The following ADAMTS16 variants were observed in gnomAD, a reference collection of about 807,000 sequenced individuals.
ADAMTS16 encodes the protein A disintegrin and metalloproteinase with thrombospondin motifs 16.
Under a neutral mutation model 145.8 loss-of-function variants are expected in ADAMTS16, and 94 were observed. The observed-to-expected ratio is 0.64, with a 90% CI of 0.55 to 0.77. The LOEUF (loss-of-function observed/expected upper bound fraction) is 0.77. ADAMTS16 is among the 30% of genes least tolerant of loss of function. The pLI is 0.00. For missense variants in ADAMTS16, 1,585 were observed against 1,591.5 expected (o/e 1.00, Z 0.07); for synonymous variants, 659 against 604.3 (o/e 1.09, Z -1.33).
chr5:5,270,010 T>C (rs1254187179), intron 18 of ADAMTS16, among the ~76,000 whole-genome samples: 1 of 152,154 alleles, frequency 6.6e-6, no homozygotes, highest in African/African-American at 2.4e-5. Flanking sequence ...CTCCATCCGA[T>C]GGCACCCTTT....
intron 13 of ADAMTS16, 31 bp downstream of exon 13, chr5:5,235,217 C>G: frequency 6.6e-7 from 1 of 1,520,056 alleles, no homozygotes; most frequent in African/African-American, 1.4e-5. Flanking sequence ...GGGTAATAGC[C>G]TCATGCTTTA....
intron 21 of ADAMTS16, among the ~76,000 whole-genome samples, chr5:5,311,209 C>T (rs377075877): frequency 5.3e-5 from 8 of 151,504 alleles, no homozygotes; most frequent in African/African-American, 1.7e-4. Context: ...CACTCACACC[C>T]ACCACCTACC....
intron 17 of ADAMTS16, among the ~76,000 whole-genome samples, chr5:5,248,115 G>C (rs1266547770): frequency 1.3e-5 from 2 of 152,178 alleles, no homozygotes; most frequent in Non-Finnish European, 2.9e-5. Flanking sequence ...ACACCGTCTG[G>C]TTTTCCATGT....
At chr5:5,252,755 G>A (rs956098730) in intron 17 of ADAMTS16, among the ~76,000 whole-genome samples, 3 of 152,114 alleles carry the variant, frequency 2.0e-5, no homozygotes, top group African/African-American at 4.8e-5. Flanking sequence ...CATCAGCCTA[G>A]GTCTCTGCGT....
intron 10 of ADAMTS16, among the ~76,000 whole-genome samples, chr5:5,214,796 A>G (rs1736375090): frequency 6.6e-6 from 1 of 152,202 alleles, no homozygotes; most frequent in Non-Finnish European, 1.5e-5. Context: ...GCAATTAGAG[A>G]TTTTTAAAAA....
At chr5:5,315,900 C>T (rs910410055) in intron 21 of ADAMTS16, among the ~76,000 whole-genome samples, 2 of 152,230 alleles carry the variant, frequency 1.3e-5, no homozygotes, top group East Asian at 1.9e-4. Context: ...GAGTAAGCCT[C>T]CCAGATAAGT....
intron 18 of ADAMTS16, among the ~76,000 whole-genome samples, chr5:5,301,527 TCTC>T (rs1450635402): frequency 6.6e-6 from 1 of 152,178 alleles, no homozygotes; most frequent in Non-Finnish European, 1.5e-5. Flanking sequence ...GGATTTCCCT[TCTC>T]CTTTCTGTCT....
chr5:5,183,445 C>T (rs528005247), intron 4 of ADAMTS16, among the ~76,000 whole-genome samples: 59 of 152,348 alleles, frequency 3.9e-4, no homozygotes, highest in African/African-American at 1.3e-3. Context: ...CCAGGGCTCA[C>T]GGTGTGGTTG....
chr5:5,149,253 G>A (rs767900723), intron 3 of ADAMTS16, among the ~76,000 whole-genome samples: 14 of 151,988 alleles, frequency 9.2e-5, no homozygotes, highest in Non-Finnish European at 1.9e-4. Context: ...TTGGAAAAAG[G>A]GTCCCTGTTA....
At chr5:5,162,108 G>A (rs1734755432) in intron 3 of ADAMTS16, among the ~76,000 whole-genome samples, 1 of 152,144 alleles carries the variant, frequency 6.6e-6, no homozygotes, top group Non-Finnish European at 1.5e-5. Context: ...GCATGTTAAA[G>A]TATGTGCCAG....
At position 5,309,827 on chromosome 5, in the gene ADAMTS16, C is replaced by CGTGTGTGTGTGT. The variant is rs35723690; in HGVS notation, c.3411+3117_3411+3128dup. 5.8e-3 allele frequency among the ~76,000 whole-genome samples: 846 copies of CGTGTGTGTGTGT among 146,964 alleles called. 10 individuals carry two copies. The highest frequency in any genetic ancestry group is 0.02 in the African/African-American group (800 of 39,464). ...GTTTAGGAGAGACAGGTCATGTCCT[C>CGTGTGTGTGTGT]GTGTGTGTGTGTGTGTGTGTGTGTG... On this transcript the variant is annotated intron_variant, in intron 21 of 22. Coordinates refer to ENST00000274181, the MANE Select transcript of ADAMTS16 (RefSeq NM_139056.4).
rs777426296 is a variant in ADAMTS16, at chr5:5,239,821, G to T, written c.2419G>T (p.Gly807Cys). Residue 807 changes from glycine (G) to cysteine (C), a missense_variant, in exon 16 of 23, where the codon GGC becomes TGC. Gly to Cys is a radical substitution (Grantham distance 159). Around this residue, in one of 3 missense-constraint regions of ADAMTS16, gnomAD observed 834 missense variants for 811.7 expected, o/e 1.03. Coordinates refer to ENST00000274181, the MANE Select transcript of ADAMTS16 (RefSeq NM_139056.4). ...TGGGCACTGGACCGTGGACTGGCCCGGCCGGTACAAATTTTCGGGCACTAC... is the reference window on the plus strand; with the variant it reads ...TGGGCACTGGACCGTGGACTGGCCCTGCCGGTACAAATTTTCGGGCACTAC... ...LNGHWTVDWP[G>C]RYKFSGTTFD... 6.2e-7 allele frequency: 1 copy of T among 1,614,094 alleles called. No homozygotes were observed. The highest frequency in any genetic ancestry group is 8.5e-7 in the Non-Finnish European group (1 of 1,180,022).
rs1301128437 is a variant in ADAMTS16, at chr5:5,310,785, G to C, written c.3411+4057G>C. Among the ~76,000 whole-genome samples, 2 of 152,168 alleles carry C rather than the reference G, an allele frequency of 1.3e-5. No homozygotes were observed. The highest frequency in any genetic ancestry group is 2.9e-5 in the Non-Finnish European group (2 of 68,036). ...CTAAACTGTGAAAGAATAAATTTCT[G>C]TTATTTTGAGCCCCTAGTTTGTAGC... On this transcript the variant is annotated intron_variant, in intron 21 of 22. Coordinates refer to ENST00000274181, the MANE Select transcript of ADAMTS16 (RefSeq NM_139056.4). The surrounding 1 kb of genome is among the most constrained non-coding windows in gnomAD (Gnocchi z 4.3).
chr5:5,230,272 T>G (rs1216317613), intron 11 of ADAMTS16, among the ~76,000 whole-genome samples: 1 of 152,166 alleles, frequency 6.6e-6, no homozygotes, highest in East Asian at 1.9e-4. Context: ...ATGAGAAGCA[T>G]GTCAGCTGAA....
intron 2 of ADAMTS16, among the ~76,000 whole-genome samples, chr5:5,145,508 G>A (rs374731496): frequency 2.6e-5 from 4 of 152,208 alleles, no homozygotes; most frequent in Non-Finnish European, 4.4e-5. Context: ...CCAAAATCCA[G>A]GTCGTTCTTC....
rs1739893448 is a variant in ADAMTS16, at chr5:5,303,664, T to C, written c.3084T>C (p.Ala1028=). 3 of 1,613,948 alleles carry C rather than the reference T, an allele frequency of 1.9e-6. No individual in the cohort carries two copies. The highest frequency in any genetic ancestry group is 2.5e-6 in the Non-Finnish European group (3 of 1,180,030). Residue 1028 remains alanine (A), a synonymous_variant, in exon 20 of 23, where the codon GCT becomes GCC. Transcript: ENST00000274181. The part of the protein sequence containing the change: ...PSARAQLLPD[A]VCTSEPKPRM... ...CCAGAGCGCAGCTGCTGCCCGACGC[T>C]GTCTGCACCTCCGAGCCCAAGCCCA...
At chr5:5,193,871 T>C (rs1458991448) in intron 8 of ADAMTS16, among the ~76,000 whole-genome samples, 1 of 152,058 alleles carries the variant, frequency 6.6e-6, no homozygotes, top group East Asian at 1.9e-4. Context: ...AAGGCTGAGG[T>C]GGGAGGATCA....
At chr5:5,282,685 AATAT>A (rs1297455182) in intron 18 of ADAMTS16, among the ~76,000 whole-genome samples, 1 of 152,216 alleles carries the variant, frequency 6.6e-6, no homozygotes, top group Non-Finnish European at 1.5e-5. Flanking sequence ...TCCCAGAAGA[AATAT>A]ATATTCTTGT....
At chr5:5,232,658 C>A (rs1736969180) in intron 12 of ADAMTS16, 142 bp downstream of exon 12, 1 of 1,084,172 alleles carries the variant, frequency 9.2e-7, no homozygotes, top group African/African-American at 1.7e-5. Context: ...GGCTGGAGTG[C>A]AGTGGTGTGA....
Sources: allele counts gnomAD v4.1 joint callset (sites outside exome capture counted in the v4.1 genomes callset), GRCh38; gene constraint gnomAD v4.1.1; regional missense constraint gnomAD v4.1.1; non-coding constraint Gnocchi (gnomAD v3.1); transcripts MANE v1.5; gene names NCBI Gene and HGNC (gene_info 2026-07-23, HGNC 2026-07-21).